The following KCNK13 variants were observed in gnomAD, a reference collection of about 807,000 sequenced individuals.
The protein encoded by KCNK13 is potassium two pore domain channel subfamily K member 13.
In KCNK13, 12 loss-of-function variants were observed where a neutral mutation model predicts 23.4. That is an observed-to-expected ratio of 0.51 (90% CI 0.33 to 0.83). The LOEUF is 0.83. Ranked by LOEUF, KCNK13 falls within the 40% of genes least tolerant of loss-of-function variation. KCNK13 has a pLI of 0.02. For synonymous variants in KCNK13, 231 were observed against 229.5 expected (o/e 1.01, Z -0.06); for missense variants, 463 against 556.3 (o/e 0.83, Z 1.69).
At chr14:90,183,996 C>A (rs1890515886) in intron 1 of KCNK13, 115 bp from the exon 2 acceptor site, 2 of 902,476 alleles carry the variant, frequency 2.2e-6, no homozygotes, top group Non-Finnish European at 1.7e-6. Context: ...AAGACTAAGG[C>A]TGAGTGATTT....
chr14:90,112,386 C>T (rs1242248103), intron 1 of KCNK13, among the ~76,000 whole-genome samples: 1 of 152,212 alleles, frequency 6.6e-6, no homozygotes, highest in Non-Finnish European at 1.5e-5. Context: ...ATGAGCAATA[C>T]AGTTGATTCA....
At position 90,184,838 on chromosome 14, in the gene KCNK13, A is replaced by C. The variant is rs1286524113; in HGVS notation, c.1062A>C (p.Ala354=). The C allele has an allele frequency of 6.2e-7, 1 of 1,613,802 alleles. No homozygotes were observed. Among genetic ancestry groups the C allele is most frequent in the Non-Finnish European group, 8.5e-7 (1 of 1,179,874 alleles). The change falls in exon 2 of 2, where the codon GCA becomes GCC. Residue 354 remains alanine, a synonymous_variant. Transcript: ENST00000282146. This position sits in a 1 kb window ranked among gnomAD's most constrained non-coding sequence, Gnocchi z 5.6. ...TGATCTCCATGAAGGACTTGCTGGC[A>C]GCCAACAAGGCCTCGTTGGCCATCC... is the stretch of plus-strand genomic sequence containing the variant. The part of the protein sequence containing the change: ...GEMISMKDLL[A]ANKASLAILQ...
chr14:90,117,755 C>T (rs184088916), intron 1 of KCNK13, among the ~76,000 whole-genome samples: 165 of 152,272 alleles, frequency 1.1e-3, no homozygotes, highest in African/African-American at 3.7e-3. Context: ...GTTGTGCACC[C>T]ATTACCTCTA....
Sources: gnomAD v4.1 joint callset for allele counts (sites outside exome capture counted in the v4.1 genomes callset) on GRCh38, gnomAD v4.1.1 for gene constraint, Gnocchi (gnomAD v3.1) non-coding constraint, MANE v1.5 for transcripts, NCBI Gene and HGNC (gene_info 2026-07-23, HGNC 2026-07-21) for gene names.